The following GNL2 variants were observed in gnomAD, a reference collection of about 807,000 sequenced individuals.
GNL2 encodes the protein nucleolar GTP-binding protein 2.
In GNL2, 51 loss-of-function variants were observed where a neutral mutation model predicts 92.3. That is an observed-to-expected ratio of 0.55 (90% confidence interval 0.44 to 0.70). The LOEUF is 0.70. Among genes scored for constraint, GNL2 ranks in the 30% least tolerant of loss-of-function variants. The pLI, the probability that GNL2 is intolerant of heterozygous loss-of-function variation, is 0.00. For missense variants in GNL2, 844 were observed against 895.6 expected (o/e 0.94, Z 0.74); for synonymous variants, 283 against 300.6 (o/e 0.94, Z 0.61).
intron 3 of GNL2, 88 bp from the exon 4 acceptor site, chr1:37,590,933 A>AC: frequency 2.8e-6 from 3 of 1,082,240 alleles, no homozygotes; most frequent in Non-Finnish European, 4.0e-6. Flanking sequence ...ATTTTAAATT[A>AC]CCCTCACTTA....
chr1:37,581,964 C>T (rs114238853), intron 8 of GNL2, among the ~76,000 whole-genome samples: 1,705 of 151,184 alleles, frequency 0.011, 37 homozygotes, highest in African/African-American at 0.04. Flanking sequence ...CGCCCGGCCA[C>T]ATCTTTTTTT....
intron 1 of GNL2, among the ~76,000 whole-genome samples, chr1:37,595,419 G>A (rs1442474681): frequency 6.6e-6 from 1 of 152,136 alleles, no homozygotes; most frequent in Non-Finnish European, 1.5e-5. Flanking sequence ...TAAAAGGCCC[G>A]AAGGGTCAAC....
intron 8 of GNL2, among the ~76,000 whole-genome samples, chr1:37,579,672 C>T (rs990782282): frequency 3.8e-4 from 57 of 151,508 alleles, no homozygotes; most frequent in African/African-American, 1.2e-3. Flanking sequence ...CTGAGGCGGG[C>T]GGATCACGAG....
intron 3 of GNL2, 144 bp from the exon 4 acceptor site, chr1:37,590,989 A>C (rs557787405): frequency 4.2e-6 from 3 of 719,968 alleles, no homozygotes; most frequent in Non-Finnish European, 4.4e-6. Context: ...TTTCAAACTT[A>C]AAAGAGGAAA....
chr1:37,571,721 G>C (rs1452421109), intron 12 of GNL2, among the ~76,000 whole-genome samples: 2 of 152,184 alleles, frequency 1.3e-5, no homozygotes, highest in Admixed American at 1.3e-4. Context: ...CTTGCTGTGT[G>C]CATTGGGCAA....
chr1:37,589,884 C>T (rs115572632), intron 4 of GNL2, among the ~76,000 whole-genome samples: 2,416 of 152,288 alleles, frequency 0.016, 67 homozygotes, highest in African/African-American at 0.054. Context: ...AAAAGCTGAA[C>T]GTACGCAACA....
In GNL2 at chr1:37,568,947, T is replaced by C. The variant is rs1233382809; in HGVS notation, c.1772A>G (p.Asn591Ser). Residue 591 changes from asparagine (N) to serine (S), a missense_variant, in exon 13 of 16, where the codon AAC (asparagine) becomes AGC (serine). Physicochemically the swap from Asn to Ser is conservative, Grantham distance 46. Transcript: ENST00000373062. ...TGCTTTAATAACGGCTTTGGTGTCG[T>C]TTCCCACATTTTCCTCCTCAGGCTC... is the stretch of plus-strand genomic sequence containing the variant. Reference protein sequence around the residue: ...SSEPEEENVGNDTKAVIKALD... With the variant: ...SSEPEEENVGSDTKAVIKALD... 1.7e-5 allele frequency: 27 copies of C among 1,613,956 alleles called. No homozygotes were observed. In the Admixed American group the frequency reaches 2.7e-4, roughly 16 times the overall value.
intron 12 of GNL2, chr1:37,570,219 G>C (rs1477692562): frequency 6.6e-6 from 1 of 152,100 alleles, no homozygotes; most frequent in Non-Finnish European, 1.5e-5. Flanking sequence ...TGGATCTCGG[G>C]GATGGGTTCG....
In GNL2 at chr1:37,576,477, A is replaced by G. The variant is rs766939284; in HGVS notation, c.989T>C (p.Leu330Ser). The change falls in exon 9 of 16, where the codon TTG becomes TCG. Residue 330 changes from leucine (L) to serine (S), a missense_variant. Physicochemically the swap from Leu to Ser is moderately radical, Grantham distance 145 (BLOSUM62 -2). Coordinates refer to ENST00000373062, the MANE Select transcript of GNL2 (RefSeq NM_013285.3). ...CACGTTGCAAACTTTCTTAGAACGC[A>G]ATGTATTTATCACAGAGCTCTTGCC... Reference protein sequence around the residue: ...NVGKSSVINTLRSKKVCNVAP... With the variant: ...NVGKSSVINTSRSKKVCNVAP... 2.2e-5 allele frequency: 35 copies of G among 1,613,970 alleles called. No individual in the cohort carries two copies. The highest frequency in any genetic ancestry group is 2.4e-5 in the Non-Finnish European group (28 of 1,179,938).
At chr1:37,589,461 C>T (rs775505366) in intron 4 of GNL2, among the ~76,000 whole-genome samples, 9 of 152,150 alleles carry the variant, frequency 5.9e-5, no homozygotes, top group African/African-American at 9.7e-5. Flanking sequence ...CCCGCCACCA[C>T]GCCCGGCTAA....
rs781305406 is a variant in GNL2 at position 37,574,320 on chromosome 1, A to C, written c.1416+23T>G. On this transcript the variant is annotated intron_variant, in intron 12 of 15. Transcript: ENST00000373062. ...CTAGGTCAGGACCCATGCTCCCCAGAGGTGGGCCCACCCTGCTCTTACCTG... is the reference window on the plus strand; with the variant it reads ...CTAGGTCAGGACCCATGCTCCCCAGCGGTGGGCCCACCCTGCTCTTACCTG... 4.7e-6 allele frequency: 7 copies of C among 1,501,012 alleles called. No homozygotes were observed. The South Asian group carries it at 6.8e-5, about 15-fold the overall frequency. 93.0% of individuals were successfully genotyped at this position (1,501,012 alleles called of 1,614,324 possible).
rs746331686 is a variant in GNL2 at position 37,568,274 on chromosome 1, C to T, written c.1951+1G>A. 1 of 1,570,414 alleles carries T rather than the reference C, an allele frequency of 6.4e-7. No homozygotes were observed. The highest frequency in any genetic ancestry group is 8.8e-7 in the Non-Finnish European group (1 of 1,140,148). The stretch of plus-strand genomic sequence containing the variant: ...AAATGATTGAAATAATTTAACTTCA[C>T]CTCTGTCATCTACATCTTCTTCCAG... On this transcript the variant is annotated splice_donor_variant, in intron 14 of 15. Coordinates refer to ENST00000373062, the MANE Select transcript of GNL2 (RefSeq NM_013285.3). LOFTEE classifies it high-confidence loss of function.
rs866515121 is a variant in GNL2 at position 37,568,332 on chromosome 1, T to A, written c.1894A>T (p.Ile632Leu). The A allele has an allele frequency of 5.6e-6, 9 of 1,609,388 alleles. No individual in the cohort carries two copies. Among genetic ancestry groups the A allele is most frequent in the Middle Eastern group, 1.6e-4 (1 of 6,072 alleles). The change falls in exon 14 of 16, where the codon ATA (isoleucine) becomes TTA (leucine). Residue 632 changes from isoleucine (I) to leucine (L), a missense_variant. Transcript: ENST00000373062. ...CTTTGTTCTTCAGGTTTTGCAAATA[T>A]CTTTTCACTCAGTCCCTTGGATATT... is the stretch of plus-strand genomic sequence containing the variant. ...VRISKGLSEK[I>L]FAKPEEQRKT...
Position 37,594,052 on chromosome 1 carries a change from G to A in GNL2, c.65-206C>T, listed in dbSNP as rs189793769. On this transcript the variant is annotated intron_variant, in intron 1 of 15. Coordinates refer to ENST00000373062, the MANE Select transcript of GNL2 (RefSeq NM_013285.3). ...AAAGCTGACCCAATCTTTGATCTTC[G>A]ATAGGATTGTATTTGAGAAGAATAG... 2.3e-3 allele frequency: 1,233 copies of A among 539,130 alleles called. 1 individual carries two copies. The highest frequency in any genetic ancestry group is 7.1e-3 in the Admixed American group (206 of 28,960). 33.4% of individuals were successfully genotyped at this position (539,130 alleles called of 1,614,324 possible). A position where few individuals can be genotyped will look rare whatever the true frequency, so the allele number is the denominator to read the frequency against.
Position 37,569,141 on chromosome 1 carries a change from G to A in GNL2, c.1578C>T (p.Leu526=), listed in dbSNP as rs1233240108. The change falls in exon 13 of 16, where the codon CTC becomes CTT. Residue 526 remains leucine (L), a synonymous_variant. Coordinates refer to ENST00000373062, the MANE Select transcript of GNL2 (RefSeq NM_013285.3). ...TACCAAAGTTCTGCCGAACTCGTGTGAGAATCTGCTGCATCTCTGTGTTAG... is the reference window on the plus strand; with the variant it reads ...TACCAAAGTTCTGCCGAACTCGTGTAAGAATCTGCTGCATCTCTGTGTTAG... ...CDANTEMQQI[L]TRVRQNFGKI... The A allele has an allele frequency of 1.2e-6, 2 of 1,614,174 alleles. No homozygotes were observed. Among genetic ancestry groups the A allele is most frequent in the East Asian group, 2.2e-5 (1 of 44,890 alleles).
Position 37,569,169 on chromosome 1 carries a change from T to A in GNL2, c.1550A>T (p.Asp517Val). 6.2e-7 allele frequency: 1 copy of A among 1,614,092 alleles called. No individual in the cohort carries two copies. The highest frequency in any genetic ancestry group is 8.5e-7 in the Non-Finnish European group (1 of 1,179,918). The change falls in exon 13 of 16, where the codon GAT becomes GTT. Residue 517 changes from aspartate to valine, a missense_variant. Physicochemically the swap from Asp to Val is radical, Grantham distance 152. Transcript: ENST00000373062. ...AATCTGCTGCATCTCTGTGTTAGCA[T>A]CACAGTGACTGTTCTCTTCTGTTTC... is the stretch of plus-strand genomic sequence containing the variant. ...KEETEENSHC[D>V]ANTEMQQILT...
Position 37,587,494 on chromosome 1 carries a change from T to G in GNL2, c.386A>C (p.Asn129Thr). ...AGTATCAAGAATGTGCACCTTCAAG[T>G]TCTGAAGAGAAAGGAGAATAACAGG... Reference protein sequence around the residue: ...SLLHDRIRPHNLKVHILDTES... With the variant: ...SLLHDRIRPHTLKVHILDTES... Residue 129 changes from asparagine (N) to threonine (T), a missense_variant and splice_region_variant, in exon 5 of 16, where the codon AAC becomes ACC. Transcript: ENST00000373062. The G allele has an allele frequency of 6.2e-7, 1 of 1,602,398 alleles. No individual in the cohort carries two copies.
At chr1:37,578,054 G>C (rs1320834927) in intron 8 of GNL2, among the ~76,000 whole-genome samples, 2 of 152,168 alleles carry the variant, frequency 1.3e-5, no homozygotes, top group Non-Finnish European at 2.9e-5. Context: ...CCTAGAGCTA[G>C]AGATTGAAAG....
At chr1:37,577,705 T>C (rs1643700564) in intron 8 of GNL2, among the ~76,000 whole-genome samples, 1 of 152,136 alleles carries the variant, frequency 6.6e-6, no homozygotes, top group Admixed American at 6.6e-5. Context: ...TCACTGGGAA[T>C]TGGTGGTAGA....
Sources: gnomAD v4.1 joint callset for allele counts (sites outside exome capture counted in the v4.1 genomes callset) on GRCh38, gnomAD v4.1.1 for gene constraint, MANE v1.5 for transcripts, NCBI Gene and HGNC (gene_info 2026-07-23, HGNC 2026-07-21) for gene names.